PAXIP1: variants seen among roughly 807,000 people sequenced by gnomAD.
The protein encoded by PAXIP1 is PAX interacting protein 1.
Under a neutral mutation model 140.6 loss-of-function variants are expected in PAXIP1, and 19 were observed. The observed-to-expected ratio is 0.14, with a 90% CI of 0.09 to 0.20. The LOEUF is 0.20. Ranked by LOEUF, PAXIP1 falls within the 10% of genes least tolerant of loss-of-function variation. The probability of loss-of-function intolerance (pLI) is 1.00; values close to 1 mark genes in which losing one functional copy is unlikely to be tolerated. For missense variants in PAXIP1, 920 were observed against 1,208.6 expected (o/e 0.76, Z 3.54); for synonymous variants, 442 against 444.6 (o/e 0.99, Z 0.07).
intron 16 of PAXIP1, among the ~76,000 whole-genome samples, chr7:154,953,440 T>C (rs1252488500): frequency 1.3e-5 from 2 of 151,998 alleles, no homozygotes; most frequent in African/African-American, 4.8e-5. Context: ...AAAGACCAAA[T>C]GAGAAAAACG....
chr7:154,961,352 T>C (rs919663856), intron 11 of PAXIP1, among the ~76,000 whole-genome samples, 175 bp downstream of exon 11: 1 of 152,242 alleles, frequency 6.6e-6, no homozygotes, highest in Non-Finnish European at 1.5e-5. Context: ...TTAATTCAAA[T>C]GTTTTCTAGG....
chr7:154,947,713 A>G, intron 17 of PAXIP1, 190 bp downstream of exon 17: 1 of 565,396 alleles, frequency 1.8e-6, no homozygotes, highest in Non-Finnish European at 3.2e-6. Context: ...TTCTCTAGAG[A>G]TGTGCTGTGG....
rs151102688 is a variant in PAXIP1, at chr7:154,968,898, TCTGCTGCTG to T, written c.1294_1302del (p.Gln432_Gln434del). 11 of 1,157,054 alleles carry T rather than the reference TCTGCTGCTG, an allele frequency of 9.5e-6. No homozygotes were observed. The highest frequency in any genetic ancestry group is 2.6e-5 in the East Asian group (1 of 37,940). 71.7% of individuals were successfully genotyped at this position (1,157,054 alleles called of 1,614,324 possible). A position where few individuals can be genotyped will look rare whatever the true frequency, so the allele number is the denominator to read the frequency against. On this transcript the variant is annotated inframe_deletion, in exon 7 of 21. Transcript: ENST00000404141. ...TGCTGGGGGTAAGGTTGCTGAGAGA[TCTGCTGCTG>T]CTGCTGCTGCTGGAGCTGCATTATC...
chr7:155,002,956 G>A lies in PAXIP1; in HGVS notation c.-27C>T, dbSNP rs761947790. 6.2e-6 allele frequency: 7 copies of A among 1,125,048 alleles called. No homozygotes were observed. The highest frequency in any genetic ancestry group is 3.3e-5 in the African/African-American group (2 of 60,732). The allele number at this position is 1,125,048 out of a possible 1,614,324, so 69.7% of individuals were successfully genotyped here. A position where few individuals can be genotyped will look rare whatever the true frequency, so the allele number is the denominator to read the frequency against. On this transcript the variant is annotated 5_prime_UTR_variant, in exon 1 of 21. Coordinates refer to ENST00000404141, the MANE Select transcript of PAXIP1 (RefSeq NM_007349.4). Reference sequence around the variant, plus strand: ...ATCGCGGCGGCCCGGGAGGCTCCGCGGCGGCGCCCGGCCCCGCCCACCCCC... The same window carrying A: ...ATCGCGGCGGCCCGGGAGGCTCCGCAGCGGCGCCCGGCCCCGCCCACCCCC...
In PAXIP1 at chr7:154,983,660, A is replaced by G; in HGVS notation, c.325-328T>C. 1.5e-5 allele frequency: 3 copies of G among 204,012 alleles called. No homozygotes were observed. The South Asian group carries it at 2.6e-4, about 18-fold the overall frequency. 12.6% of individuals were successfully genotyped at this position (204,012 alleles called of 1,614,324 possible). ...AATAGTCAGGGGAAAAAAAGCAGGA[A>G]GAACTAGTATGCCATTCCAGTTTCC... On this transcript the variant is annotated intron_variant, in intron 4 of 20. Coordinates refer to ENST00000404141, the MANE Select transcript of PAXIP1 (RefSeq NM_007349.4).
chr7:154,998,622 T>A (rs989878151), intron 2 of PAXIP1, 28 bp downstream of exon 2: 1 of 1,596,560 alleles, frequency 6.3e-7, no homozygotes, highest in African/African-American at 1.3e-5. Flanking sequence ...GAGGAAAAGA[T>A]ATAAAACAAA....
intron 5 of PAXIP1, among the ~76,000 whole-genome samples, chr7:154,980,189 A>G (rs982197108): frequency 6.6e-6 from 1 of 152,190 alleles, no homozygotes; most frequent in Admixed American, 6.5e-5. Context: ...TTCCAGAAAA[A>G]TAAAAATAAA....
At chr7:154,969,277 G>A (rs1809185437) in intron 6 of PAXIP1, among the ~76,000 whole-genome samples, 151 bp from the exon 7 acceptor site, 1 of 152,160 alleles carries the variant, frequency 6.6e-6, no homozygotes, top group Non-Finnish European at 1.5e-5. Flanking sequence ...AAACAATACT[G>A]CATTTTCTTT....
At position 154,968,595 on chromosome 7, in the gene PAXIP1, G is replaced by C. The variant is rs1809138381; in HGVS notation, c.1606C>G (p.Gln536Glu). The C allele has an allele frequency of 2.8e-6, 2 of 717,274 alleles. No homozygotes were observed. Among genetic ancestry groups the C allele is most frequent in the African/African-American group, 3.5e-5 (2 of 57,204 alleles). 44.4% of individuals were successfully genotyped at this position (717,274 alleles called of 1,614,324 possible). The change falls in exon 7 of 21, where the codon CAG becomes GAG. Residue 536 changes from glutamine to glutamate, a missense_variant. Gln to Glu is a conservative substitution (Grantham distance 29). This residue lies in a region of PAXIP1 where 133 missense variants were observed against 88.4 expected (regional missense o/e 1.50). Transcript: ENST00000404141. ...QQQQQQIQQQ[Q>E]LQRMHQQQQQ... ...TGCTGCTGGTGCATGCGCTGGAGCT[G>C]CTGCTGCTGAATCTGCTGTTGCTGC...
chr7:154,995,808 C>CAT (rs1311653715), intron 2 of PAXIP1, among the ~76,000 whole-genome samples: 2 of 152,072 alleles, frequency 1.3e-5, no homozygotes, highest in African/African-American at 4.8e-5. Context: ...GAGATCACAC[C>CAT]ATTGCACTCC....
At chr7:154,985,976 A>G in intron 4 of PAXIP1, 2 of 1,338,602 alleles carry the variant, frequency 1.5e-6, no homozygotes, top group Non-Finnish European at 2.0e-6. Context: ...TGACCTAGCC[A>G]GGCTCTCCAT....
chr7:154,962,861 C>T (rs1476409127), intron 9 of PAXIP1, among the ~76,000 whole-genome samples: 2 of 152,148 alleles, frequency 1.3e-5, no homozygotes, highest in Non-Finnish European at 2.9e-5. Context: ...GAAGTATTTC[C>T]ACATTTTTAC....
Position 154,973,597 on chromosome 7 carries a change from C to T in PAXIP1, c.1074+2099G>A, listed in dbSNP as rs1809432437. On this transcript the variant is annotated intron_variant, in intron 6 of 20. Transcript: ENST00000404141. This position sits in a 1 kb window ranked among gnomAD's most constrained non-coding sequence, Gnocchi z 4.0. ...GATGCCAGCCAACCGCTGTCATCAT[C>T]CCAAGAACCGTGTACTACTAATACT... Among the ~76,000 whole-genome samples, 2 of 152,080 alleles carry T rather than the reference C, an allele frequency of 1.3e-5. No homozygotes were observed. Among genetic ancestry groups the T allele is most frequent in the Admixed American group, 1.3e-4 (2 of 15,210 alleles).
At chr7:154,958,985 C>G (rs932480175) in intron 13 of PAXIP1, among the ~76,000 whole-genome samples, 8 of 152,206 alleles carry the variant, frequency 5.3e-5, no homozygotes, top group African/African-American at 1.9e-4. Flanking sequence ...CACATTATCA[C>G]TAGCAAGAAG....
chr7:154,981,495 G>C (rs1475543706), intron 5 of PAXIP1, among the ~76,000 whole-genome samples: 1 of 152,034 alleles, frequency 6.6e-6, no homozygotes, highest in Non-Finnish European at 1.5e-5. Flanking sequence ...CAAGAATGAA[G>C]AACAAATACA....
intron 9 of PAXIP1, among the ~76,000 whole-genome samples, chr7:154,962,916 G>A (rs924287961): frequency 2.0e-5 from 3 of 152,178 alleles, no homozygotes; most frequent in Non-Finnish European, 4.4e-5. Context: ...TAAGAGGGGT[G>A]TCTTGGAAGT....
intron 16 of PAXIP1, chr7:154,951,319 A>C (rs1352390886): frequency 6.6e-6 from 1 of 152,344 alleles, no homozygotes; most frequent in East Asian, 1.9e-4. Context: ...CCCAAATGTC[A>C]ATGTAGCTTC....
chr7:154,969,564 AC>A (rs758469071), intron 6 of PAXIP1, among the ~76,000 whole-genome samples: 3 of 152,238 alleles, frequency 2.0e-5, no homozygotes, highest in Non-Finnish European at 2.9e-5. Flanking sequence ...CTGAGGAATG[AC>A]AGGTGGTGAA....
intron 16 of PAXIP1, chr7:154,949,302 T>C (rs920356334): frequency 6.6e-6 from 1 of 152,208 alleles, no homozygotes; most frequent in Non-Finnish European, 1.5e-5. Context: ...TTTCAGCGTA[T>C]GGACCAGTTT....
Sources: allele counts gnomAD v4.1 joint callset (sites outside exome capture counted in the v4.1 genomes callset), GRCh38; gene constraint gnomAD v4.1.1; regional missense constraint gnomAD v4.1.1; non-coding constraint Gnocchi (gnomAD v3.1); transcripts MANE v1.5; gene names NCBI Gene and HGNC (gene_info 2026-07-23, HGNC 2026-07-21).